Variants in PCP4 observed in about 807,000 individuals in gnomAD.
PCP4 encodes calmodulin regulator protein PCP4.
Under a neutral mutation model 10.0 loss-of-function variants are expected in PCP4, and 8 were observed. The ratio of observed to expected loss-of-function variants is 0.80; its 90% CI spans 0.47 to 1.45. The LOEUF (loss-of-function observed/expected upper bound fraction) is 1.45. PCP4 is among the 40% of genes most tolerant of loss of function. PCP4 has a pLI of 0.00. For missense variants in PCP4, 54 were observed against 74.4 expected (o/e 0.73, Z 1.01); for synonymous variants, 21 against 23.0 (o/e 0.91, Z 0.24).
chr21:39,897,979 G>A (rs1464153296), intron 1 of PCP4, among the ~76,000 whole-genome samples: 1 of 148,866 alleles, frequency 6.7e-6, no homozygotes, highest in East Asian at 2.0e-4. Flanking sequence ...CTGGGAGGCG[G>A]AGGTTGCAGC....
chr21:39,910,536 C>T (rs1260276113), intron 2 of PCP4, among the ~76,000 whole-genome samples: 2 of 152,066 alleles, frequency 1.3e-5, no homozygotes, highest in African/African-American at 4.8e-5. Context: ...AGAAATGGTC[C>T]ATGCAGATGC....
chr21:39,880,095 GATATCT>G (rs2087365250), intron 1 of PCP4, among the ~76,000 whole-genome samples: 1 of 150,274 alleles, frequency 6.7e-6, no homozygotes, highest in Non-Finnish European at 1.5e-5. Flanking sequence ...AATGTCTGGA[GATATCT>G]ATATCTATCT....
rs150563403 is a variant in PCP4 at position 39,877,913 on chromosome 21, G to A, written c.9+10403G>A. Among the ~76,000 whole-genome samples, 534 of 152,244 alleles carry A rather than the reference G, an allele frequency of 3.5e-3. 3 individuals are homozygous for A. The highest frequency in any genetic ancestry group is 0.012 in the African/African-American group (508 of 41,534). On this transcript the variant is annotated intron_variant, in intron 1 of 2. Coordinates refer to ENST00000328619, the MANE Select transcript of PCP4 (RefSeq NM_006198.3). Reference sequence around the variant, plus strand: ...TTAGAAAACATTTGTCCAGAAAATGGTGGCCCTTTTTATGGCCAAAACCAT... The same window carrying A: ...TTAGAAAACATTTGTCCAGAAAATGATGGCCCTTTTTATGGCCAAAACCAT...
At chr21:39,874,067 A>C (rs946579573) in intron 1 of PCP4, among the ~76,000 whole-genome samples, 3 of 152,220 alleles carry the variant, frequency 2.0e-5, no homozygotes, top group African/African-American at 7.2e-5. Context: ...TGAAAGGAAG[A>C]CAAATTAGAC....
chr21:39,896,054 A>T (rs1218247266), intron 1 of PCP4, among the ~76,000 whole-genome samples: 2 of 152,218 alleles, frequency 1.3e-5, no homozygotes, highest in Non-Finnish European at 2.9e-5. Context: ...ACCTGACATA[A>T]AAACCCCATC....
chr21:39,873,827 A>G (rs199611098), intron 1 of PCP4, among the ~76,000 whole-genome samples: 45 of 152,350 alleles, frequency 3.0e-4, no homozygotes, highest in African/African-American at 1.1e-3. Flanking sequence ...GCCATTCTAC[A>G]TGAACAATTT....
intron 1 of PCP4, among the ~76,000 whole-genome samples, chr21:39,897,551 G>A (rs1355793479): frequency 6.6e-6 from 1 of 152,106 alleles, no homozygotes; most frequent in Non-Finnish European, 1.5e-5. Flanking sequence ...GTTTACATGT[G>A]TGGTGCATTT....
At chr21:39,927,970 A>T (rs574514478) in intron 2 of PCP4, among the ~76,000 whole-genome samples, 1 of 152,292 alleles carries the variant, frequency 6.6e-6, no homozygotes, top group East Asian at 1.9e-4. Context: ...AAAAGAAAGA[A>T]AAAGAAAAAC....
At chr21:39,927,600 C>T (rs1157383800) in intron 2 of PCP4, among the ~76,000 whole-genome samples, 1 of 152,190 alleles carries the variant, frequency 6.6e-6, no homozygotes, top group African/African-American at 2.4e-5. Flanking sequence ...TGGGGCTTTT[C>T]CTCTGCCTCA....
chr21:39,884,469 G>A (rs1034879422), intron 1 of PCP4, among the ~76,000 whole-genome samples: 5 of 151,822 alleles, frequency 3.3e-5, no homozygotes, highest in South Asian at 2.1e-4. Flanking sequence ...GTGAGCCAAC[G>A]CACCCAGCTG....
At chr21:39,882,695 G>C (rs2146329141) in intron 1 of PCP4, among the ~76,000 whole-genome samples, 1 of 152,272 alleles carries the variant, frequency 6.6e-6, no homozygotes, top group Non-Finnish European at 1.5e-5. Flanking sequence ...CTAGAAGACT[G>C]GCCCTGCCTG....
Position 39,884,724 on chromosome 21 carries a change from G to C in PCP4, c.10-13752G>C, listed in dbSNP as rs1376738452. 3.3e-5 allele frequency among the ~76,000 whole-genome samples: 5 copies of C among 152,046 alleles called. 1 individual carries two copies. In the South Asian group the frequency reaches 1.0e-3, roughly 31 times the overall value. ...AGACAGGACAATTGCTTGAACCCAAGGAGGCAGAGGTTGCAGTGAGTGGAG... is the reference window on the plus strand; with the variant it reads ...AGACAGGACAATTGCTTGAACCCAACGAGGCAGAGGTTGCAGTGAGTGGAG... On this transcript the variant is annotated intron_variant, in intron 1 of 2. Transcript: ENST00000328619.
intron 1 of PCP4, among the ~76,000 whole-genome samples, chr21:39,885,667 C>G (rs1469456138): frequency 6.6e-6 from 1 of 152,228 alleles, no homozygotes; most frequent in Non-Finnish European, 1.5e-5. Context: ...GATGCCCTCC[C>G]CTGTGCCCTG....
chr21:39,888,915 G>C (rs538267482), intron 1 of PCP4, among the ~76,000 whole-genome samples: 1 of 152,150 alleles, frequency 6.6e-6, no homozygotes, highest in East Asian at 1.9e-4. Flanking sequence ...TAATTTCTAC[G>C]TTTCACTTTA....
chr21:39,871,972 T>C (rs2146323636), intron 1 of PCP4, among the ~76,000 whole-genome samples: 1 of 152,324 alleles, frequency 6.6e-6, no homozygotes, highest in African/African-American at 2.4e-5. Flanking sequence ...TTTCTTAAAC[T>C]TATGATGAGC....
intron 2 of PCP4, among the ~76,000 whole-genome samples, chr21:39,920,828 C>T (rs745650894): frequency 7.2e-5 from 11 of 152,202 alleles, no homozygotes; most frequent in Non-Finnish European, 1.5e-4. Context: ...TCTGGAAGTG[C>T]TATTTCCCAC....
intron 1 of PCP4, among the ~76,000 whole-genome samples, chr21:39,885,675 C>G (rs2087397081): frequency 6.6e-6 from 1 of 152,238 alleles, no homozygotes; most frequent in Non-Finnish European, 1.5e-5. Context: ...CCCCTGTGCC[C>G]TGGGCATCCC....
intron 1 of PCP4, among the ~76,000 whole-genome samples, chr21:39,887,977 A>G (rs1465123108): frequency 6.6e-6 from 1 of 152,240 alleles, no homozygotes; most frequent in African/African-American, 2.4e-5. Flanking sequence ...TGTGCAATAT[A>G]TACCAAAGAT....
intron 2 of PCP4, among the ~76,000 whole-genome samples, chr21:39,913,450 A>C (rs1055178374): frequency 6.6e-6 from 1 of 152,246 alleles, no homozygotes; most frequent in Non-Finnish European, 1.5e-5. Flanking sequence ...TCTGGGCAAC[A>C]GCCCTCTCTG....
Sources: gnomAD v4.1 joint callset for allele counts (sites outside exome capture counted in the v4.1 genomes callset) on GRCh38, gnomAD v4.1.1 for gene constraint, MANE v1.5 for transcripts, NCBI Gene and HGNC (gene_info 2026-07-23, HGNC 2026-07-21) for gene names.